Variants in DNER observed in about 807,000 individuals in gnomAD.
The protein encoded by DNER is delta/notch like EGF repeat containing.
Under a neutral mutation model 78.2 loss-of-function variants are expected in DNER, and 33 were observed. The ratio of observed to expected loss-of-function variants is 0.42; its 90% CI spans 0.32 to 0.56. The LOEUF (loss-of-function observed/expected upper bound fraction) is 0.56. Ranked by LOEUF, DNER falls within the 20% of genes least tolerant of loss-of-function variation. The probability of loss-of-function intolerance (pLI) is 0.11; values close to 1 mark genes in which losing one functional copy is unlikely to be tolerated. For synonymous variants in DNER, 417 were observed against 384.8 expected (o/e 1.08, Z -0.98); for missense variants, 918 against 975.3 (o/e 0.94, Z 0.78).
intron 9 of DNER, among the ~76,000 whole-genome samples, chr2:229,410,638 C>T (rs148371488): frequency 6.6e-6 from 1 of 152,280 alleles, no homozygotes; most frequent in African/African-American, 2.4e-5. Flanking sequence ...TCAGTCAAAA[C>T]TAATAAAAAT....
chr2:229,545,063 T>C (rs1696594062), intron 5 of DNER, among the ~76,000 whole-genome samples: 1 of 152,064 alleles, frequency 6.6e-6, no homozygotes, highest in Non-Finnish European at 1.5e-5. Flanking sequence ...CAAACCATGC[T>C]CTTTTGGGGT....
At chr2:229,600,463 C>A (rs1232559401) in intron 1 of DNER, among the ~76,000 whole-genome samples, 3 of 152,188 alleles carry the variant, frequency 2.0e-5, no homozygotes, top group Non-Finnish European at 2.9e-5. Context: ...GAACTGGGCC[C>A]TACAAGTTTG....
chr2:229,419,625 C>T (rs1693723401), intron 8 of DNER, among the ~76,000 whole-genome samples: 2 of 152,070 alleles, frequency 1.3e-5, no homozygotes, highest in Admixed American at 6.5e-5. Flanking sequence ...GTTGCCATTT[C>T]AGTTGTTTTT....
At chr2:229,444,308 T>A (rs1211484338) in intron 8 of DNER, among the ~76,000 whole-genome samples, 3 of 152,196 alleles carry the variant, frequency 2.0e-5, no homozygotes, top group Admixed American at 2.0e-4. Flanking sequence ...CTGCCTCTCA[T>A]TTCATGCTCT....
At chr2:229,633,232 G>C (rs1188720200) in intron 1 of DNER, among the ~76,000 whole-genome samples, 1 of 152,172 alleles carries the variant, frequency 6.6e-6, no homozygotes, top group Non-Finnish European at 1.5e-5. Context: ...TGACCACGTG[G>C]AGTATGGCAA....
At chr2:229,394,776 G>A (rs1693095777) in intron 10 of DNER, among the ~76,000 whole-genome samples, 1 of 152,192 alleles carries the variant, frequency 6.6e-6, no homozygotes, top group Admixed American at 6.5e-5. Context: ...AAAGTAAAAT[G>A]GCTTGAGGGG....
At chr2:229,500,878 T>C (rs1484886301) in intron 6 of DNER, among the ~76,000 whole-genome samples, 1 of 151,996 alleles carries the variant, frequency 6.6e-6, no homozygotes, top group Non-Finnish European at 1.5e-5. Flanking sequence ...GTCCCCAAAG[T>C]CCATTGTATC....
chr2:229,669,204 C>T (rs770310224), intron 1 of DNER, among the ~76,000 whole-genome samples: 3 of 151,806 alleles, frequency 2.0e-5, no homozygotes, highest in Non-Finnish European at 2.9e-5. Context: ...CATCACATAC[C>T]GGGGCCTGTT....
chr2:229,687,590 A>T (rs1211468704), intron 1 of DNER, among the ~76,000 whole-genome samples: 1 of 152,124 alleles, frequency 6.6e-6, no homozygotes, highest in Non-Finnish European at 1.5e-5. Flanking sequence ...CTTTCTAAGG[A>T]CAAGCTCCAA....
At chr2:229,615,593 C>T (rs536977028) in intron 1 of DNER, among the ~76,000 whole-genome samples, 16 of 151,438 alleles carry the variant, frequency 1.1e-4, no homozygotes, top group Non-Finnish European at 1.6e-4. Context: ...GCACCTGTAG[C>T]CCCAGCTACT....
chr2:229,704,890 C>T (rs1015184860), intron 1 of DNER, among the ~76,000 whole-genome samples: 2 of 152,230 alleles, frequency 1.3e-5, no homozygotes, highest in African/African-American at 4.8e-5. Flanking sequence ...TAAAGATTTT[C>T]GTGTTCTTTT....
intron 1 of DNER, among the ~76,000 whole-genome samples, chr2:229,666,308 C>T (rs1278943800): frequency 6.6e-6 from 1 of 152,196 alleles, no homozygotes; most frequent in Non-Finnish European, 1.5e-5. Flanking sequence ...ATTGGCATCT[C>T]TCCCACACCC....
intron 1 of DNER, among the ~76,000 whole-genome samples, chr2:229,664,528 A>G (rs1699058144): frequency 6.6e-6 from 1 of 152,198 alleles, no homozygotes; most frequent in African/African-American, 2.4e-5. Flanking sequence ...TAAAAAGAAT[A>G]GTAAGGCCAA....
chr2:229,414,700 T>G (rs1176158359), intron 9 of DNER, among the ~76,000 whole-genome samples: 3 of 152,200 alleles, frequency 2.0e-5, no homozygotes, highest in Non-Finnish European at 4.4e-5. Context: ...GGACACAGCC[T>G]AGAGTGACCC....
intron 1 of DNER, among the ~76,000 whole-genome samples, chr2:229,680,473 C>A (rs760886501): frequency 6.6e-6 from 1 of 152,206 alleles, no homozygotes; most frequent in Admixed American, 6.5e-5. Flanking sequence ...ACCACTGCCC[C>A]CCAGATGCCT....
At chr2:229,560,543 C>T (rs1388817615) in intron 4 of DNER, among the ~76,000 whole-genome samples, 2 of 152,102 alleles carry the variant, frequency 1.3e-5, no homozygotes, top group Non-Finnish European at 2.9e-5. Flanking sequence ...CGCATCTCAC[C>T]CCTCAGAGGC....
chr2:229,524,846 G>A (rs1211414473), intron 5 of DNER, among the ~76,000 whole-genome samples: 2 of 152,190 alleles, frequency 1.3e-5, no homozygotes, highest in Non-Finnish European at 2.9e-5. Context: ...GGGCCAGGCC[G>A]AGGTCAATCC....
intron 12 of DNER, among the ~76,000 whole-genome samples, chr2:229,364,272 C>G (rs1029830993): frequency 6.6e-6 from 1 of 152,006 alleles, no homozygotes; most frequent in Non-Finnish European, 1.5e-5. Context: ...GATGAGTCTA[C>G]CTCTCAAGCC....
intron 5 of DNER, among the ~76,000 whole-genome samples, chr2:229,545,982 TTCTTCCATTTC>T (rs1696619678): frequency 6.6e-6 from 1 of 152,186 alleles, no homozygotes; most frequent in Non-Finnish European, 1.5e-5. Context: ...TACCTTTTGT[TTCTTCCATTTC>T]TCTTGATTGT....
Sources: gnomAD v4.1 joint callset for allele counts (sites outside exome capture counted in the v4.1 genomes callset) on GRCh38, gnomAD v4.1.1 for gene constraint, MANE v1.5 for transcripts, NCBI Gene and HGNC (gene_info 2026-07-23, HGNC 2026-07-21) for gene names.